STK32C: variants seen among roughly 807,000 people sequenced by gnomAD.
STK32C encodes serine/threonine kinase 32C.
STK32C carries 31 observed loss-of-function variants against 56.5 expected under a neutral mutation model. The observed-to-expected ratio is 0.55, with a 90% CI of 0.41 to 0.74. The LOEUF (loss-of-function observed/expected upper bound fraction) is 0.74, where lower values mean the gene tolerates loss of function less well. STK32C is among the 30% of genes least tolerant of loss of function. STK32C has a pLI of 0.00. For synonymous variants in STK32C, 309 were observed against 289.4 expected, an observed-to-expected ratio of 1.07 and a Z score of -0.69; for missense variants, 544 against 676.9, an observed-to-expected ratio of 0.80 and a Z score of 2.18.
chr10:132,222,057 CACA>C (rs1260150235), intron 10 of STK32C, among the ~76,000 whole-genome samples: 2 of 140,244 alleles, frequency 1.4e-5, no homozygotes, highest in African/African-American at 5.4e-5. Flanking sequence ...TCCCTGCACA[CACA>C]ACATCAACGC....
intron 1 of STK32C, among the ~76,000 whole-genome samples, chr10:132,296,278 G>A (rs749082551): frequency 1.3e-4 from 20 of 151,984 alleles, no homozygotes; most frequent in South Asian, 1.0e-3. Context: ...AGACTAAGGC[G>A]CCAGGAGACT....
intron 1 of STK32C, among the ~76,000 whole-genome samples, chr10:132,267,984 TG>T (rs2064635474): frequency 2.5e-5 from 1 of 39,350 alleles, no homozygotes; most frequent in East Asian, 3.3e-4. Flanking sequence ...TCCCACATCG[TG>T]TGTGTGTGTG....
In STK32C at chr10:132,294,206, C is replaced by CGGCAGA. The variant is rs1554880411; in HGVS notation, c.262+13360_262+13365dup. 9.3e-5 allele frequency among the ~76,000 whole-genome samples: 14 copies of CGGCAGA among 151,302 alleles called. No homozygotes were observed. In the South Asian group the frequency reaches 2.7e-3, roughly 29 times the overall value. ...AGCGGGAGGTGAAAGAGCCCCAGCA[C>CGGCAGA]GGCAGAGTCAGAGTCAGAGACGAGG... On this transcript the variant is annotated intron_variant, in intron 1 of 11. Transcript: ENST00000298630.
rs564309426 is a variant in STK32C, at chr10:132,208,178, C to T, written c.1320-27G>A. On this transcript the variant is annotated intron_variant, in intron 11 of 11. Transcript: ENST00000298630. ...TGGGGTGGCAGGAACACATGGAGGG[C>T]GTTATGCCCCCACCTCCCTGGCCTC... is the stretch of plus-strand genomic sequence containing the variant. 4.5e-5 allele frequency: 59 copies of T among 1,306,522 alleles called. No individual in the cohort carries two copies. The East Asian group carries it at 1.2e-3, about 27-fold the overall frequency. The allele number at this position is 1,306,522 out of a possible 1,614,324, so 80.9% of individuals were successfully genotyped here.
At chr10:132,224,968 C>G (rs1362043511) in intron 7 of STK32C, among the ~76,000 whole-genome samples, 1 of 152,230 alleles carries the variant, frequency 6.6e-6, no homozygotes, top group East Asian at 1.9e-4. Context: ...CCCTGCTGGC[C>G]AGTTCTCAGC....
At chr10:132,315,145 G>T (rs1311422417) in intron 1 of STK32C, among the ~76,000 whole-genome samples, 2 of 151,940 alleles carry the variant, frequency 1.3e-5, no homozygotes, top group East Asian at 3.9e-4. Context: ...AAAAAAAAAA[G>T]AATAAGTTCA....
intron 2 of STK32C, among the ~76,000 whole-genome samples, chr10:132,230,092 C>T (rs754689008): frequency 6.6e-6 from 1 of 151,998 alleles, no homozygotes; most frequent in African/African-American, 2.4e-5. Context: ...GCGGGGGCAG[C>T]TGCAGGCAGC....
Position 132,222,742 on chromosome 10 carries a change from C to G in STK32C, c.1150G>C (p.Glu384Gln). ...GACTCCAGGATCATCTCCTCCAGCT[C>G]AAAGGTGGGGTCGCAGTGCAGACGG... ...KGRLHCDPTF[E>Q]LEEMILESRP... The change falls in exon 10 of 12, where the codon GAG (glutamate) becomes CAG (glutamine). Residue 384 changes from glutamate to glutamine, a missense_variant. Coordinates refer to ENST00000298630, the MANE Select transcript of STK32C (RefSeq NM_173575.4). The G allele has an allele frequency of 6.2e-7, 1 of 1,608,718 alleles. No homozygotes were observed. Among genetic ancestry groups the G allele is most frequent in the Non-Finnish European group, 8.5e-7 (1 of 1,177,828 alleles).
downstream of STK32C, among the ~76,000 whole-genome samples, chr10:132,321,492 C>G (rs1307456519): frequency 1.3e-5 from 2 of 152,086 alleles, no homozygotes; most frequent in Non-Finnish European, 1.5e-5. Context: ...CAAACTAGTC[C>G]CAGAGCCACT....
chr10:132,304,049 C>T (rs1411449102), intron 1 of STK32C, among the ~76,000 whole-genome samples: 1 of 152,256 alleles, frequency 6.6e-6, no homozygotes, highest in Non-Finnish European at 1.5e-5. Flanking sequence ...TAAGGTATTT[C>T]ACACGGACCC....
chr10:132,226,268 T>C (rs1003269647), intron 4 of STK32C, among the ~76,000 whole-genome samples: 7 of 152,238 alleles, frequency 4.6e-5, no homozygotes, highest in African/African-American at 1.7e-4. Context: ...CTCACAGATA[T>C]TTTCATTTTG....
intron 1 of STK32C, among the ~76,000 whole-genome samples, chr10:132,292,905 C>G (rs571266442): frequency 6.6e-6 from 1 of 151,476 alleles, no homozygotes; most frequent in Admixed American, 6.6e-5. Context: ...GTCCCTCCCC[C>G]CTCCCTTCCC....
chr10:132,271,491 C>T (rs1374720424), intron 1 of STK32C, among the ~76,000 whole-genome samples: 2 of 152,116 alleles, frequency 1.3e-5, no homozygotes, highest in Non-Finnish European at 2.9e-5. Context: ...TGAGGCTGGC[C>T]CCACACCTGG....
intron 1 of STK32C, among the ~76,000 whole-genome samples, chr10:132,248,531 CCT>C (rs1403750219): frequency 6.6e-6 from 1 of 152,244 alleles, no homozygotes; most frequent in Admixed American, 6.5e-5. Flanking sequence ...CCCAGAGACC[CCT>C]GTGCTCCTTG....
At chr10:132,258,425 C>CA (rs1412005257) in intron 1 of STK32C, among the ~76,000 whole-genome samples, 3 of 152,274 alleles carry the variant, frequency 2.0e-5, no homozygotes, top group Non-Finnish European at 4.4e-5. Flanking sequence ...CATCACCCCC[C>CA]ACGGGGCCCT....
At chr10:132,309,914 A>G (rs2066187976), upstream of STK32C, among the ~76,000 whole-genome samples, 1 of 152,196 alleles carries the variant, frequency 6.6e-6, no homozygotes, top group Admixed American at 6.5e-5. Context: ...AGAAGGGAAG[A>G]CATGTTAATA....
At chr10:132,226,751 C>G in intron 4 of STK32C, 44 bp downstream of exon 4, 1 of 1,595,304 alleles carries the variant, frequency 6.3e-7, no homozygotes, top group South Asian at 1.1e-5. Context: ...TGCTTCAGCC[C>G]CGCCCACCTC....
intron 1 of STK32C, among the ~76,000 whole-genome samples, chr10:132,267,881 G>A (rs2064626216): frequency 6.8e-6 from 1 of 148,116 alleles, no homozygotes; most frequent in Non-Finnish European, 1.5e-5. Context: ...CTGTCTGTGT[G>A]CATGCATGTC....
chr10:132,264,295 G>A (rs1164984792), intron 1 of STK32C, among the ~76,000 whole-genome samples: 1 of 152,214 alleles, frequency 6.6e-6, no homozygotes, highest in Non-Finnish European at 1.5e-5. Context: ...ACAATCAGTT[G>A]GCTGTAGGCT....
Sources: gnomAD v4.1 joint callset for allele counts (sites outside exome capture counted in the v4.1 genomes callset) on GRCh38, gnomAD v4.1.1 for gene constraint, MANE v1.5 for transcripts, NCBI Gene and HGNC (gene_info 2026-07-23, HGNC 2026-07-21) for gene names.